Variants in HOOK3 observed in about 807,000 individuals in gnomAD.
The protein encoded by HOOK3 is protein Hook homolog 3.
A neutral mutation model predicts 116.3 loss-of-function variants in HOOK3; 24 were observed. The ratio of observed to expected loss-of-function variants is 0.21; its 90% CI spans 0.15 to 0.29. HOOK3 has a LOEUF of 0.29. Among genes scored for constraint, HOOK3 ranks in the 10% least tolerant of loss-of-function variants. The pLI is 1.00. For missense variants in HOOK3, 632 were observed against 830.2 expected (o/e 0.76, Z 2.93); for synonymous variants, 275 against 283.0 (o/e 0.97, Z 0.28).
rs1339716763 is a variant in HOOK3 at position 42,982,650 on chromosome 8, G to C, written c.1345G>C (p.Glu449Gln). ...TQGLMPLGSQ[E>Q]SSDSLAAEIV... Reference sequence around the variant, plus strand: ...AGGGTTAATGCCTCTTGGAAGTCAGGAGTCTTCAGACAGTCTAGCTGCAGA... The same window carrying C: ...AGGGTTAATGCCTCTTGGAAGTCAGCAGTCTTCAGACAGTCTAGCTGCAGA... Residue 449 changes from glutamate to glutamine, a missense_variant, in exon 14 of 22, where the codon GAG (glutamate) becomes CAG (glutamine). Physicochemically the swap from Glu to Gln is conservative, Grantham distance 29 (BLOSUM62 2). Around this residue, in one of 3 missense-constraint regions of HOOK3, gnomAD observed 483 missense variants for 648.1 expected, o/e 0.75. Coordinates refer to ENST00000307602, the MANE Select transcript of HOOK3 (RefSeq NM_032410.4). 1 of 1,612,154 alleles carries C rather than the reference G, an allele frequency of 6.2e-7. No individual in the cohort carries two copies. Among genetic ancestry groups the C allele is most frequent in the East Asian group, 2.2e-5 (1 of 44,850 alleles).
chr8:42,977,160 A>G (rs1349903619), intron 13 of HOOK3, among the ~76,000 whole-genome samples: 1 of 152,178 alleles, frequency 6.6e-6, no homozygotes, highest in Non-Finnish European at 1.5e-5. Flanking sequence ...CCCCTTTATT[A>G]CCAGTGTGAG....
At chr8:42,978,375 C>G (rs993111916) in intron 13 of HOOK3, among the ~76,000 whole-genome samples, 5 of 150,342 alleles carry the variant, frequency 3.3e-5, no homozygotes, top group Non-Finnish European at 7.4e-5. Flanking sequence ...TCCTGAGTAG[C>G]TGGGATTACA....
chr8:43,018,247 C>A, intron 21 of HOOK3, 111 bp from the exon 22 acceptor site: 1 of 996,088 alleles, frequency 1.0e-6, no homozygotes, highest in Non-Finnish European at 1.4e-6. Flanking sequence ...ATTAACATTC[C>A]TAATTGTGCT....
intron 2 of HOOK3, among the ~76,000 whole-genome samples, chr8:42,918,947 G>T (rs926844265): frequency 6.6e-6 from 1 of 152,230 alleles, no homozygotes; most frequent in African/African-American, 2.4e-5. Flanking sequence ...CCTCCCAGGC[G>T]GGGTGGCGGC....
intron 6 of HOOK3, 119 bp downstream of exon 6, chr8:42,950,574 C>A: frequency 1.8e-6 from 1 of 562,738 alleles, no homozygotes; most frequent in Non-Finnish European, 3.1e-6. Flanking sequence ...TTTTACTTTG[C>A]ATTTATGATA....
Position 42,996,894 on chromosome 8 carries a change from C to CTTTTT in HOOK3, c.1533-632_1533-628dup, listed in dbSNP as rs60094537. 1.2e-3 allele frequency among the ~76,000 whole-genome samples: 93 copies of CTTTTT among 77,910 alleles called. 14 individuals carry two copies. The highest frequency in any genetic ancestry group is 1.6e-3 in the African/African-American group (37 of 22,502). The allele number at this position is 77,910 out of a possible 152,430, so 51.1% of individuals were successfully genotyped here. A position where few individuals can be genotyped will look rare whatever the true frequency, so the allele number is the denominator to read the frequency against. On this transcript the variant is annotated intron_variant, in intron 15 of 21. Coordinates refer to ENST00000307602, the MANE Select transcript of HOOK3 (RefSeq NM_032410.4). Reference sequence around the variant, plus strand: ...ACTTTAATTCCGTGAGGGCAGGGATCTTTTTTTTTTTTTTTTTTTTTTTTT... The same window carrying CTTTTT: ...ACTTTAATTCCGTGAGGGCAGGGATCTTTTTTTTTTTTTTTTTTTTTTTTTTTTTT...
rs1228088032 is a variant in HOOK3 at position 42,943,458 on chromosome 8, A to G, written c.400+13A>G. ...GAACAGAAGCAAGGTAATTTGTTTC[A>G]AGTTAGTGTTTGCATTTAAAATAAT... On this transcript the variant is annotated intron_variant, in intron 5 of 21. Coordinates refer to ENST00000307602, the MANE Select transcript of HOOK3 (RefSeq NM_032410.4). 5 of 1,413,894 alleles carry G rather than the reference A, an allele frequency of 3.5e-6. No individual in the cohort carries two copies. Among genetic ancestry groups the G allele is most frequent in the Admixed American group, 5.3e-5 (2 of 38,066 alleles). The allele number at this position is 1,413,894 out of a possible 1,614,324, so 87.6% of individuals were successfully genotyped here.
chr8:42,921,092 C>T (rs536915497), intron 2 of HOOK3, among the ~76,000 whole-genome samples: 2 of 151,772 alleles, frequency 1.3e-5, no homozygotes, highest in African/African-American at 4.8e-5. Context: ...GTGTATTACT[C>T]TAAATTGCAC....
intron 13 of HOOK3, among the ~76,000 whole-genome samples, chr8:42,976,851 C>T (rs1341164971): frequency 6.6e-6 from 1 of 152,086 alleles, no homozygotes; most frequent in African/African-American, 2.4e-5. Flanking sequence ...GAGCTGAGAT[C>T]GCGCCACTGC....
At chr8:42,936,286 T>G (rs1014859908) in intron 4 of HOOK3, among the ~76,000 whole-genome samples, 14 of 152,246 alleles carry the variant, frequency 9.2e-5, no homozygotes, top group Non-Finnish European at 2.1e-4. Flanking sequence ...AAGGAGATTT[T>G]GGGCTGAGAT....
At chr8:42,947,367 G>T (rs529967664) in intron 5 of HOOK3, among the ~76,000 whole-genome samples, 2 of 152,150 alleles carry the variant, frequency 1.3e-5, no homozygotes, top group South Asian at 4.2e-4. Flanking sequence ...TATGTAGGGG[G>T]TCTTTGGAAG....
chr8:42,925,490 T>G, intron 2 of HOOK3, 67 bp from the exon 3 acceptor site: 1 of 1,037,710 alleles, frequency 9.6e-7, no homozygotes, highest in East Asian at 2.4e-5. Flanking sequence ...TGGGATGAGA[T>G]TCAATTTTCT....
chr8:42,906,149 C>CA (rs200070946), intron 1 of HOOK3, 24 bp from the exon 2 acceptor site: 1 of 1,046,874 alleles, frequency 9.6e-7, no homozygotes, highest in Admixed American at 1.8e-5. Flanking sequence ...AATCTCTCCC[C>CA]CCCCCCTCTT....
rs1456516503 is a variant in HOOK3, at chr8:43,030,244, A to G, written c.*11746A>G. The G allele has an allele frequency of 1.0e-5, 2 of 194,848 alleles. No homozygotes were observed. Among genetic ancestry groups the G allele is most frequent in the African/African-American group, 4.6e-5 (2 of 43,220 alleles). 12.1% of individuals were successfully genotyped at this position (194,848 alleles called of 1,614,324 possible). A position where few individuals can be genotyped will look rare whatever the true frequency, so the allele number is the denominator to read the frequency against. The stretch of plus-strand genomic sequence containing the variant: ...TCAGTAAGAAATTTCAACTAAAATC[A>G]CAAAAACATAAAGTCCAGGAAACCA... On this transcript the variant is annotated 3_prime_UTR_variant, in exon 22 of 22. Transcript: ENST00000307602.
At chr8:42,991,594 G>C (rs1294444948) in intron 15 of HOOK3, among the ~76,000 whole-genome samples, 1 of 152,012 alleles carries the variant, frequency 6.6e-6, no homozygotes, top group Non-Finnish European at 1.5e-5. Flanking sequence ...TAGAGACAGG[G>C]TTTTGCCCGG....
rs202038838 is a variant in HOOK3 at position 43,018,511 on chromosome 8, G to A, written c.*13G>A. The A allele has an allele frequency of 1.1e-5, 18 of 1,598,948 alleles. No individual in the cohort carries two copies. Among genetic ancestry groups the A allele is most frequent in the African/African-American group, 2.7e-5 (2 of 74,216 alleles). ...CACAGCAAGGTAGAGAAGTTGTGCCGCTCAATCACAGACACCTGCACCCAC... is the reference window on the plus strand; with the variant it reads ...CACAGCAAGGTAGAGAAGTTGTGCCACTCAATCACAGACACCTGCACCCAC... On this transcript the variant is annotated 3_prime_UTR_variant, in exon 22 of 22. Coordinates refer to ENST00000307602, the MANE Select transcript of HOOK3 (RefSeq NM_032410.4).
intron 2 of HOOK3, among the ~76,000 whole-genome samples, chr8:42,915,178 C>T (rs376464151): frequency 2.0e-5 from 3 of 152,042 alleles, no homozygotes; most frequent in African/African-American, 7.2e-5. Context: ...CAGGGACTGT[C>T]CGATGGTCAC....
chr8:43,019,966 G>A lies in HOOK3; in HGVS notation c.*1468G>A, dbSNP rs1036662860. 5.0e-6 allele frequency: 1 copy of A among 198,176 alleles called. No homozygotes were observed. Among genetic ancestry groups the A allele is most frequent in the African/African-American group, 2.3e-5 (1 of 43,416 alleles). The allele number at this position is 198,176 out of a possible 1,614,324, so 12.3% of individuals were successfully genotyped here. A position where few individuals can be genotyped will look rare whatever the true frequency, so the allele number is the denominator to read the frequency against. Reference sequence around the variant, plus strand: ...TATTTGCAAGTTCAGGTTTCATTTGGTTCTTTATGTTAAATACGAATAAGT... The same window carrying A: ...TATTTGCAAGTTCAGGTTTCATTTGATTCTTTATGTTAAATACGAATAAGT... On this transcript the variant is annotated 3_prime_UTR_variant, in exon 22 of 22. Coordinates refer to ENST00000307602, the MANE Select transcript of HOOK3 (RefSeq NM_032410.4).
chr8:42,909,745 G>A (rs1006435830), intron 2 of HOOK3, among the ~76,000 whole-genome samples: 11 of 152,186 alleles, frequency 7.2e-5, no homozygotes, highest in East Asian at 1.9e-4. Flanking sequence ...GATTAAAGGC[G>A]TAAAACAACA....
Sources: gnomAD v4.1 joint callset for allele counts (sites outside exome capture counted in the v4.1 genomes callset) on GRCh38, gnomAD v4.1.1 for gene constraint, gnomAD v4.1.1 regional missense constraint, MANE v1.5 for transcripts, NCBI Gene and HGNC (gene_info 2026-07-23, HGNC 2026-07-21) for gene names.